Variants in GID4 observed in about 807,000 individuals in gnomAD.
GID4 encodes glucose-induced degradation protein 4 homolog.
Under a neutral mutation model 32.4 loss-of-function variants are expected in GID4, and 7 were observed. That is an observed-to-expected ratio of 0.22 (90% CI 0.12 to 0.41). The LOEUF is 0.41. Ranked by LOEUF, GID4 falls within the 10% of genes least tolerant of loss-of-function variation. The pLI, the probability that GID4 is intolerant of heterozygous loss-of-function variation, is 1.00. For missense variants in GID4, 309 were observed against 400.0 expected (o/e 0.77, Z 1.94); for synonymous variants, 166 against 170.0 (o/e 0.98, Z 0.18).
chr17:18,039,655 G>C lies in GID4; in HGVS notation c.191G>C (p.Arg64Pro). ...LSLPATLLGS[R>P]AAAAVPLPLP... ...CTCCCCGCCACCCTCCTCGGCTCCCGCGCGGCGGCGGCGGTTCCTCTCCCA... is the reference window on the plus strand; with the variant it reads ...CTCCCCGCCACCCTCCTCGGCTCCCCCGCGGCGGCGGCGGTTCCTCTCCCA... Residue 64 changes from arginine to proline, a missense_variant, in exon 1 of 6, where the codon CGC becomes CCC. Physicochemically the swap from Arg to Pro is moderately radical, Grantham distance 103. This residue lies in a region of GID4 where 193 missense variants were observed against 185.8 expected (regional missense o/e 1.04). Coordinates refer to ENST00000268719, the MANE Select transcript of GID4 (RefSeq NM_024052.5). The surrounding 1 kb of genome is among the most constrained non-coding windows in gnomAD (Gnocchi z 5.3). The C allele has an allele frequency of 3.8e-6, 4 of 1,051,420 alleles. No homozygotes were observed. Among genetic ancestry groups the C allele is most frequent in the Non-Finnish European group, 4.6e-6 (4 of 874,820 alleles). 65.1% of individuals were successfully genotyped at this position (1,051,420 alleles called of 1,614,324 possible).
rs1347709812 is a variant in GID4, at chr17:18,067,641, C to T, written c.*2398C>T. The T allele has an allele frequency of 6.6e-6, 1 of 152,662 alleles. No individual in the cohort carries two copies. The highest frequency in any genetic ancestry group is 1.5e-5 in the Non-Finnish European group (1 of 68,042). 9.5% of individuals were successfully genotyped at this position (152,662 alleles called of 1,614,324 possible). A position where few individuals can be genotyped will look rare whatever the true frequency, so the allele number is the denominator to read the frequency against. ...TTCTTTCTCTCCGTTCCTGAAGGAA[C>T]TTTGGGGAATCATCTTCATCCGTAG... On this transcript the variant is annotated 3_prime_UTR_variant, in exon 6 of 6. Transcript: ENST00000268719.
At chr17:18,054,412 G>A (rs540755550) in intron 3 of GID4, among the ~76,000 whole-genome samples, 178 bp downstream of exon 3, 15 of 152,276 alleles carry the variant, frequency 9.9e-5, no homozygotes, top group East Asian at 1.9e-4. Context: ...GTTTAAATAC[G>A]ATCTGACCTG....
Position 18,054,218 on chromosome 17 carries a change from T to A in GID4, c.590T>A (p.Val197Asp), listed in dbSNP as rs1383045516. 2 of 1,607,348 alleles carry A rather than the reference T, an allele frequency of 1.2e-6. No homozygotes were observed. The highest frequency in any genetic ancestry group is 1.7e-6 in the Non-Finnish European group (2 of 1,174,156). The change falls in exon 3 of 6, where the codon GTT becomes GAT. Residue 197 changes from valine to aspartate, a missense_variant. By Grantham distance (152) the Val-to-Asp change is radical. Coordinates refer to ENST00000268719, the MANE Select transcript of GID4 (RefSeq NM_024052.5). ...LTRKWDADED[V>D]DRKHWGKFLA... ...CGCAAGTGGGATGCAGATGAAGATG[T>A]TGATCGGAAACACTGGGTGAGTAAA...
intron 2 of GID4, among the ~76,000 whole-genome samples, chr17:18,048,257 G>A (rs1376504334): frequency 6.6e-6 from 1 of 151,596 alleles, no homozygotes; most frequent in African/African-American, 2.4e-5. Flanking sequence ...GTGCAGTGGT[G>A]TGATCTCACC....
chr17:18,060,290 C>T (rs2045007217), intron 4 of GID4, among the ~76,000 whole-genome samples: 1 of 147,762 alleles, frequency 6.8e-6, no homozygotes, highest in Admixed American at 6.8e-5. Flanking sequence ...CCCAGCTACT[C>T]GGGAGGCTGA....
At chr17:18,042,140 GTTTT>G (rs1043740865) in intron 1 of GID4, among the ~76,000 whole-genome samples, 1 of 152,134 alleles carries the variant, frequency 6.6e-6, no homozygotes, top group Non-Finnish European at 1.5e-5. Flanking sequence ...CTTTTTGTTT[GTTTT>G]GTTTTGTTTT....
chr17:18,057,934 C>T (rs543940152), intron 3 of GID4, among the ~76,000 whole-genome samples: 3 of 152,136 alleles, frequency 2.0e-5, no homozygotes, highest in South Asian at 2.1e-4. Context: ...CCCGGGTTCA[C>T]GCCATTCTCC....
At chr17:18,050,256 T>C (rs1325814677) in intron 2 of GID4, among the ~76,000 whole-genome samples, 1 of 152,234 alleles carries the variant, frequency 6.6e-6, no homozygotes, top group Non-Finnish European at 1.5e-5. Flanking sequence ...ATGGGATTGC[T>C]GGGTCGAATG....
At chr17:18,056,561 C>T (rs2044969231) in intron 3 of GID4, 1 of 747,950 alleles carries the variant, frequency 1.3e-6, no homozygotes, top group East Asian at 2.7e-5. Context: ...GCCTCTCTCC[C>T]ATTCAACTCT....
chr17:18,066,918 C>T lies in GID4; in HGVS notation c.*1675C>T, dbSNP rs1378301629. The T allele has an allele frequency of 2.6e-5, 4 of 152,152 alleles. No homozygotes were observed. Among genetic ancestry groups the T allele is most frequent in the African/African-American group, 9.7e-5 (4 of 41,416 alleles). The allele number at this position is 152,152 out of a possible 1,614,324, so 9.4% of individuals were successfully genotyped here. ...GACTGTGTACAGAGGGGCAACCTAC[C>T]CATTCAGGAAGGTCAGGGCTTTGGA... On this transcript the variant is annotated 3_prime_UTR_variant, in exon 6 of 6. Coordinates refer to ENST00000268719, the MANE Select transcript of GID4 (RefSeq NM_024052.5).
intron 3 of GID4, among the ~76,000 whole-genome samples, chr17:18,055,170 CAAAA>C (rs1229089550): frequency 5.0e-5 from 3 of 59,748 alleles, no homozygotes. Context: ...GACTCCGTCT[CAAAA>C]AAAAAAAAAA....
Position 18,066,109 on chromosome 17 carries a change from G to C in GID4, c.*866G>C, listed in dbSNP as rs547562793. ...CAATTATTCAGAATTACATTTTATC[G>C]TTTTCACATTGAAAACAGCAAATGT... On this transcript the variant is annotated 3_prime_UTR_variant, in exon 6 of 6. Transcript: ENST00000268719. 2 of 152,608 alleles carry C rather than the reference G, an allele frequency of 1.3e-5. No individual in the cohort carries two copies. Among genetic ancestry groups the C allele is most frequent in the South Asian group, 2.1e-4 (1 of 4,824 alleles). 9.5% of individuals were successfully genotyped at this position (152,608 alleles called of 1,614,324 possible). A position where few individuals can be genotyped will look rare whatever the true frequency, so the allele number is the denominator to read the frequency against.
chr17:18,050,862 G>A (rs572738674), intron 2 of GID4, among the ~76,000 whole-genome samples: 2 of 152,180 alleles, frequency 1.3e-5, no homozygotes, highest in African/African-American at 4.8e-5. Context: ...TTCATTTCTC[G>A]ATATCCTTTC....
intron 1 of GID4, among the ~76,000 whole-genome samples, chr17:18,040,329 C>T (rs939210948): frequency 6.6e-6 from 1 of 152,220 alleles, no homozygotes; most frequent in African/African-American, 2.4e-5. Context: ...TGTCTGGGCC[C>T]ACGTCAGATT....
Position 18,061,732 on chromosome 17 carries a change from G to A in GID4, c.709-113G>A, listed in dbSNP as rs780080966. ...ACCCAGCAAGTCTAGGTTAGACTAT[G>A]AGATCCTATATTTTTCTCGAGTGGT... On this transcript the variant is annotated intron_variant, in intron 4 of 5. Coordinates refer to ENST00000268719, the MANE Select transcript of GID4 (RefSeq NM_024052.5). The surrounding 1 kb of genome is among the most constrained non-coding windows in gnomAD (Gnocchi z 4.4). 3.2e-5 allele frequency: 32 copies of A among 1,007,654 alleles called. No individual in the cohort carries two copies. The highest frequency in any genetic ancestry group is 4.6e-5 in the Non-Finnish European group (30 of 658,140). 62.4% of individuals were successfully genotyped at this position (1,007,654 alleles called of 1,614,324 possible).
chr17:18,056,933 G>A, intron 3 of GID4: 1 of 1,550,586 alleles, frequency 6.4e-7, no homozygotes, highest in Non-Finnish European at 8.7e-7. Context: ...TCCCACGTGG[G>A]ACTCCTGGAG....
chr17:18,057,889 A>G lies in GID4; in HGVS notation c.607-979A>G, dbSNP rs1186215393. On this transcript the variant is annotated intron_variant, in intron 3 of 5. Coordinates refer to ENST00000268719, the MANE Select transcript of GID4 (RefSeq NM_024052.5). Reference sequence around the variant, plus strand: ...CGCTCTGTTGCCCATGCTGGAGTGCAGTGGCACGATCTCGGCTCATTGCAA... The same window carrying G: ...CGCTCTGTTGCCCATGCTGGAGTGCGGTGGCACGATCTCGGCTCATTGCAA... 2.6e-5 allele frequency among the ~76,000 whole-genome samples: 4 copies of G among 151,796 alleles called. No individual in the cohort carries two copies. In the East Asian group the frequency reaches 7.7e-4, roughly 29 times the overall value.
intron 1 of GID4, among the ~76,000 whole-genome samples, chr17:18,044,396 C>T (rs2955382): frequency 0.42 from 64,104 of 152,038 alleles, 16,046 homozygotes; most frequent in Non-Finnish European, 0.59. Flanking sequence ...GGTAGGCATC[C>T]GGCAGTGTCT....
chr17:18,050,415 G>C (rs1326842703), intron 2 of GID4, among the ~76,000 whole-genome samples: 1 of 152,210 alleles, frequency 6.6e-6, no homozygotes, highest in African/African-American at 2.4e-5. Flanking sequence ...CCATCCGTCA[G>C]TCAAGAGAGG....
Sources: gnomAD v4.1 joint callset for allele counts (sites outside exome capture counted in the v4.1 genomes callset) on GRCh38, gnomAD v4.1.1 for gene constraint, gnomAD v4.1.1 regional missense constraint, Gnocchi (gnomAD v3.1) non-coding constraint, MANE v1.5 for transcripts, NCBI Gene and HGNC (gene_info 2026-07-23, HGNC 2026-07-21) for gene names.